MOB3B: variants seen among roughly 807,000 people sequenced by gnomAD.
MOB3B encodes the protein MOB kinase activator 3B, also known as MOB kinase activator-like 2B.
A neutral mutation model predicts 18.7 loss-of-function variants in MOB3B; 7 were observed. The observed-to-expected ratio is 0.37, with a 90% CI of 0.21 to 0.70. The LOEUF (loss-of-function observed/expected upper bound fraction) is 0.70, where lower values mean the gene tolerates loss of function less well. MOB3B is among the 30% of genes least tolerant of loss of function. MOB3B has a pLI of 0.52. For synonymous variants in MOB3B, 111 were observed against 99.9 expected (o/e 1.11, Z -0.66); for missense variants, 253 against 281.3 (o/e 0.90, Z 0.72).
intron 2 of MOB3B, among the ~76,000 whole-genome samples, chr9:27,369,638 C>A (rs1821384807): frequency 6.6e-6 from 1 of 152,184 alleles, no homozygotes; most frequent in South Asian, 2.1e-4. Flanking sequence ...ATGCAGTGGT[C>A]CACCATCATT....
intron 3 of MOB3B, among the ~76,000 whole-genome samples, chr9:27,335,619 C>T (rs7866205): frequency 0.037 from 5,595 of 152,236 alleles, 351 homozygotes; most frequent in African/African-American, 0.13. Flanking sequence ...CATCCCCCAT[C>T]GGTGGCCGAC....
At chr9:27,377,008 G>T (rs80315309) in intron 2 of MOB3B, among the ~76,000 whole-genome samples, 2 of 152,140 alleles carry the variant, frequency 1.3e-5, no homozygotes, top group Non-Finnish European at 2.9e-5. Flanking sequence ...TTAGCTACAC[G>T]ATCTTGGGCA....
chr9:27,383,960 A>C (rs187306788), intron 2 of MOB3B, among the ~76,000 whole-genome samples: 1 of 152,338 alleles, frequency 6.6e-6, no homozygotes, highest in East Asian at 1.9e-4. Flanking sequence ...CCATTTACTC[A>C]AGCCCCTTCC....
At chr9:27,427,672 AT>A (rs757756100) in intron 2 of MOB3B, among the ~76,000 whole-genome samples, 14 of 152,240 alleles carry the variant, frequency 9.2e-5, no homozygotes, top group Non-Finnish European at 1.8e-4. Flanking sequence ...TAAAGATTCT[AT>A]TCATATTTTT....
chr9:27,472,284 GA>G (rs199519811), intron 1 of MOB3B, among the ~76,000 whole-genome samples: 31 of 142,468 alleles, frequency 2.2e-4, no homozygotes, highest in East Asian at 6.1e-4. Context: ...AAAAGCTACA[GA>G]AAAAAAAAAG....
At chr9:27,501,686 G>T (rs909054109) in intron 1 of MOB3B, among the ~76,000 whole-genome samples, 1 of 150,994 alleles carries the variant, frequency 6.6e-6, no homozygotes, top group Non-Finnish European at 1.5e-5. Flanking sequence ...TGAATCACTT[G>T]AACCCAGGAG....
chr9:27,496,597 G>A (rs1379340783), intron 1 of MOB3B, among the ~76,000 whole-genome samples: 1 of 152,020 alleles, frequency 6.6e-6, no homozygotes, highest in Non-Finnish European at 1.5e-5. Flanking sequence ...TAGAATAATA[G>A]GACTCCAATA....
intron 2 of MOB3B, among the ~76,000 whole-genome samples, chr9:27,415,153 G>A (rs148723484): frequency 3.3e-5 from 5 of 152,248 alleles, no homozygotes; most frequent in Admixed American, 2.0e-4. Context: ...GAGCCACCAC[G>A]CCCAGCCCTC....
chr9:27,459,023 G>A (rs1299145518), intron 1 of MOB3B, among the ~76,000 whole-genome samples: 2 of 150,320 alleles, frequency 1.3e-5, no homozygotes, highest in Admixed American at 1.3e-4. Context: ...CCCCCCCCAT[G>A]TTTAAAGACA....
intron 3 of MOB3B, among the ~76,000 whole-genome samples, chr9:27,354,253 A>G (rs958231278): frequency 6.6e-6 from 1 of 152,226 alleles, no homozygotes; most frequent in Admixed American, 6.5e-5. Flanking sequence ...GAGGCCTGAT[A>G]GGGTGACCAA....
chr9:27,423,411 T>C (rs1239185026), intron 2 of MOB3B, among the ~76,000 whole-genome samples: 3 of 152,028 alleles, frequency 2.0e-5, no homozygotes, highest in Admixed American at 1.3e-4. Flanking sequence ...TTTTTTTTTT[T>C]TTTAACTTAC....
chr9:27,361,247 T>G (rs1821270713), intron 2 of MOB3B, among the ~76,000 whole-genome samples: 2 of 152,200 alleles, frequency 1.3e-5, no homozygotes, highest in Admixed American at 6.5e-5. Flanking sequence ...GTGGTAGGGC[T>G]GGGATTTGAA....
intron 1 of MOB3B, among the ~76,000 whole-genome samples, chr9:27,512,710 T>C (rs1820165067): frequency 1.3e-5 from 2 of 152,222 alleles, no homozygotes; most frequent in Non-Finnish European, 2.9e-5. Flanking sequence ...TAAATCAAAT[T>C]AGAATTGGCA....
At chr9:27,516,601 A>AAAAC (rs1020790420) in intron 1 of MOB3B, among the ~76,000 whole-genome samples, 2 of 152,230 alleles carry the variant, frequency 1.3e-5, no homozygotes, top group Admixed American at 6.5e-5. Flanking sequence ...ATGCAGAGAC[A>AAAAC]AAACAAACAA....
At chr9:27,478,692 G>T (rs1299297205) in intron 1 of MOB3B, among the ~76,000 whole-genome samples, 1 of 152,090 alleles carries the variant, frequency 6.6e-6, no homozygotes, top group Non-Finnish European at 1.5e-5. Flanking sequence ...TTCTGGAGAA[G>T]GAGTAGGTTA....
intron 1 of MOB3B, among the ~76,000 whole-genome samples, chr9:27,469,054 C>G (rs933280771): frequency 1.3e-5 from 2 of 152,066 alleles, no homozygotes; most frequent in African/African-American, 4.8e-5. Context: ...TACCTTTGTG[C>G]TTTGTTTAAA....
intron 2 of MOB3B, among the ~76,000 whole-genome samples, chr9:27,365,309 G>A (rs1199504342): frequency 6.6e-6 from 1 of 151,228 alleles, no homozygotes; most frequent in African/African-American, 2.4e-5. Flanking sequence ...AGCCTAGGGT[G>A]TGGAAAGGAA....
At chr9:27,443,396 T>C (rs1189474462) in intron 2 of MOB3B, among the ~76,000 whole-genome samples, 2 of 152,206 alleles carry the variant, frequency 1.3e-5, no homozygotes, top group Admixed American at 6.5e-5. Flanking sequence ...TTGTAGTCTA[T>C]ACCACACTGA....
intron 3 of MOB3B, among the ~76,000 whole-genome samples, chr9:27,332,499 A>G (rs777237668): frequency 2.0e-5 from 3 of 152,244 alleles, no homozygotes; most frequent in Admixed American, 2.0e-4. Context: ...TTAAATATCT[A>G]TAAGATGCCA....
Sources: gnomAD v4.1 joint callset for allele counts (sites outside exome capture counted in the v4.1 genomes callset) on GRCh38, gnomAD v4.1.1 for gene constraint, MANE v1.5 for transcripts, NCBI Gene and HGNC (gene_info 2026-07-23, HGNC 2026-07-21) for gene names.